ARHGEF10: variants seen among roughly 807,000 people sequenced by gnomAD.
The protein encoded by ARHGEF10 is Rho guanine nucleotide exchange factor (GEF) 10.
In ARHGEF10, 140 loss-of-function variants were observed where a neutral mutation model predicts 147.4. The observed-to-expected ratio is 0.95, with a 90% CI of 0.83 to 1.09. ARHGEF10 has a LOEUF of 1.09. Among genes scored for constraint, ARHGEF10 ranks in the 50% least tolerant of loss-of-function variants. The pLI is 0.00. For missense variants in ARHGEF10, 2,222 were observed against 1,752.7 expected (o/e 1.27, Z -4.78); for synonymous variants, 902 against 695.8 (o/e 1.30, Z -4.67).
At chr8:1,882,303 C>T (rs1294735978) in intron 9 of ARHGEF10, among the ~76,000 whole-genome samples, 1 of 152,172 alleles carries the variant, frequency 6.6e-6, no homozygotes, top group African/African-American at 2.4e-5. Context: ...GTTGTTTTGC[C>T]ATTTAATTCG....
intron 24 of ARHGEF10, among the ~76,000 whole-genome samples, chr8:1,929,073 A>G (rs1812907723): frequency 6.8e-6 from 1 of 147,826 alleles, no homozygotes. Context: ...AGTAGGAAGA[A>G]CTAAGTTTTT....
chr8:1,892,531 G>T (rs4242520), intron 11 of ARHGEF10, among the ~76,000 whole-genome samples: 109,318 of 151,884 alleles, frequency 0.72, 40,414 homozygotes, highest in East Asian at 0.97. Context: ...AGAAATTTCC[G>T]TTGTGAAAAA....
intron 18 of ARHGEF10, among the ~76,000 whole-genome samples, chr8:1,913,036 G>A (rs1056073115): frequency 9.2e-5 from 14 of 152,270 alleles, no homozygotes; most frequent in African/African-American, 2.9e-4. Context: ...TCTGTGGGGG[G>A]GTTTCTTCAT....
At chr8:1,873,266 G>A (rs1807286674) in intron 7 of ARHGEF10, among the ~76,000 whole-genome samples, 1 of 152,244 alleles carries the variant, frequency 6.6e-6, no homozygotes, top group Non-Finnish European at 1.5e-5. Context: ...GGTGGCTGCA[G>A]GAGGGCACCG....
In ARHGEF10 at chr8:1,892,296, TG is replaced by T. The variant is rs1809600278; in HGVS notation, c.1183-1272del. Among the ~76,000 whole-genome samples the T allele has an allele frequency of 3.3e-5, 5 of 149,520 alleles. No homozygotes were observed. The South Asian group carries it at 8.4e-4, about 25-fold the overall frequency. ...CTGGCTCTGTGTGTGTGTGTGTGTG[TG>T]TGTGTGTGTGTGTGTGTGTGTGTGT... On this transcript the variant is annotated intron_variant, in intron 11 of 28. Transcript: ENST00000349830.
In ARHGEF10 at chr8:1,958,602, G is replaced by A. The variant is rs192510268; in HGVS notation, c.*1339G>A. 115 of 151,040 alleles carry A rather than the reference G, an allele frequency of 7.6e-4. 1 individual carries two copies. The highest frequency in any genetic ancestry group is 2.0e-3 in the African/African-American group (81 of 41,096). 9.4% of individuals were successfully genotyped at this position (151,040 alleles called of 1,614,324 possible). ...CAAGCTTCTCAAACTGTTAGCTGCT[G>A]TCTGACTTCATCAATAAAGTATTTT... On this transcript the variant is annotated 3_prime_UTR_variant, in exon 29 of 29. Transcript: ENST00000349830.
intron 18 of ARHGEF10, among the ~76,000 whole-genome samples, chr8:1,918,043 C>T (rs1213196362): frequency 1.3e-5 from 2 of 152,150 alleles, no homozygotes; most frequent in African/African-American, 4.8e-5. Flanking sequence ...CTACCTTGGC[C>T]TCCCAAAGTG....
At chr8:1,876,949 A>G (rs368878250) in intron 8 of ARHGEF10, among the ~76,000 whole-genome samples, 47 of 152,268 alleles carry the variant, frequency 3.1e-4, no homozygotes, top group African/African-American at 1.1e-3. Context: ...TTAAGCTTCT[A>G]TAATCCACTT....
intron 6 of ARHGEF10, 134 bp from the exon 7 acceptor site, chr8:1,869,060 T>TAA: frequency 2.2e-5 from 16 of 726,716 alleles, no homozygotes; most frequent in Middle Eastern, 3.6e-4. Context: ...AAGTAAAAAA[T>TAA]AAAAAAAAAA....
At chr8:1,872,374 C>T (rs138379504) in intron 7 of ARHGEF10, among the ~76,000 whole-genome samples, 155 of 152,296 alleles carry the variant, frequency 1.0e-3, no homozygotes, top group African/African-American at 3.6e-3. Context: ...TGCACTGTTC[C>T]AGTGAATAGC....
chr8:1,925,525 T>C, intron 22 of ARHGEF10, 121 bp downstream of exon 22: 1 of 1,364,764 alleles, frequency 7.3e-7, no homozygotes, highest in East Asian at 2.4e-5. Context: ...TTCACCACAG[T>C]GACCGCTTCT....
chr8:1,924,255 C>T (rs560480919), intron 21 of ARHGEF10, among the ~76,000 whole-genome samples: 97 of 152,120 alleles, frequency 6.4e-4, no homozygotes, highest in Non-Finnish European at 1.2e-3. Context: ...TCTGCTCACC[C>T]CTCACTGAGA....
chr8:1,913,586 T>C (rs1326072847), intron 18 of ARHGEF10, among the ~76,000 whole-genome samples: 1 of 152,264 alleles, frequency 6.6e-6, no homozygotes, highest in Non-Finnish European at 1.5e-5. Context: ...TTGCTTGTTA[T>C]TGGACCAGCA....
Position 1,898,545 on chromosome 8 carries a change from C to T in ARHGEF10, c.1650+20C>T, listed in dbSNP as rs780303203. Reference sequence around the variant, plus strand: ...CTCCAGGTAAGTGCTTCACGGAGACCTCCTCAAGCTAGTCCTCTGGCTCGC... The same window carrying T: ...CTCCAGGTAAGTGCTTCACGGAGACTTCCTCAAGCTAGTCCTCTGGCTCGC... On this transcript the variant is annotated intron_variant, in intron 15 of 28. Transcript: ENST00000349830. The T allele has an allele frequency of 1.9e-6, 3 of 1,605,734 alleles. No individual in the cohort carries two copies. In the Admixed American group the frequency reaches 5.0e-5, roughly 27 times the overall value.
In ARHGEF10 at chr8:1,876,571, A is replaced by C; in HGVS notation, c.680A>C (p.Asp227Ala). The C allele has an allele frequency of 6.2e-7, 1 of 1,614,122 alleles. No individual in the cohort carries two copies. ...VPRENSDSEP[D>A]EMIYDDVENG... The stretch of plus-strand genomic sequence containing the variant: ...TTCATTTTGGAATTTATGCACTCAG[A>C]TGAAATGATTTATGATGATGTTGAG... The change falls in exon 8 of 29, where the codon GAT (aspartate) becomes GCT (alanine). Residue 227 changes from aspartate to alanine, a missense_variant and splice_region_variant. Coordinates refer to ENST00000349830, the MANE Select transcript of ARHGEF10 (RefSeq NM_014629.4).
intron 15 of ARHGEF10, among the ~76,000 whole-genome samples, 171 bp downstream of exon 15, chr8:1,898,696 G>T (rs1810219219): frequency 6.6e-6 from 1 of 152,188 alleles, no homozygotes. Context: ...CCTGCGGAGA[G>T]TCACCCTACG....
chr8:1,859,611 A>C (rs955466292), intron 3 of ARHGEF10, among the ~76,000 whole-genome samples: 1 of 151,634 alleles, frequency 6.6e-6, no homozygotes, highest in African/African-American at 2.4e-5. Flanking sequence ...ACTCTTGGTG[A>C]GGGGAGCAGC....
chr8:1,889,291 GAGGAGATACTGCATGGGGTGAGCTTTCTT>G (rs1809168282), intron 11 of ARHGEF10, among the ~76,000 whole-genome samples: 1 of 111,072 alleles, frequency 9.0e-6, no homozygotes. Context: ...GAGGGTTTGT[GAGGAGATACTGCATGGGGTGAGCTTTCTT>G]AGGAGACACT....
chr8:1,828,818 C>G (rs1481887671), intron 1 of ARHGEF10, among the ~76,000 whole-genome samples: 5 of 151,878 alleles, frequency 3.3e-5, no homozygotes, highest in Non-Finnish European at 5.9e-5. Flanking sequence ...GGCATGCACA[C>G]TTACGGTTTT....
Sources: allele counts gnomAD v4.1 joint callset (sites outside exome capture counted in the v4.1 genomes callset), GRCh38; gene constraint gnomAD v4.1.1; transcripts MANE v1.5; gene names NCBI Gene and HGNC (gene_info 2026-07-23, HGNC 2026-07-21).